PIK3C2G: variants seen among roughly 807,000 people sequenced by gnomAD.
PIK3C2G encodes phosphatidylinositol 3-kinase C2 domain-containing subunit gamma.
PIK3C2G carries 168 observed loss-of-function variants against 181.1 expected under a neutral mutation model. That is an observed-to-expected ratio of 0.93 (90% CI 0.82 to 1.05). PIK3C2G has a LOEUF of 1.05. Among genes scored for constraint, PIK3C2G ranks in the 50% least tolerant of loss-of-function variants. The pLI is 0.00. For missense variants in PIK3C2G, 1,869 were observed against 1,732.8 expected (o/e 1.08, Z -1.40); for synonymous variants, 573 against 592.2 (o/e 0.97, Z 0.47).
intron 14 of PIK3C2G, among the ~76,000 whole-genome samples, chr12:18,389,942 AT>A (rs764214253): frequency 6.6e-6 from 1 of 152,202 alleles, no homozygotes; most frequent in Non-Finnish European, 1.5e-5. Context: ...CTATTTAAAA[AT>A]ATTTGTCCAT....
At chr12:18,549,054 A>G (rs189811396) in intron 26 of PIK3C2G, among the ~76,000 whole-genome samples, 25 of 152,110 alleles carry the variant, frequency 1.6e-4, no homozygotes, top group Admixed American at 8.5e-4. Context: ...GAAGATTCTG[A>G]TCTAACTTTT....
chr12:18,268,307 A>C (rs1948594257), intron 1 of PIK3C2G, among the ~76,000 whole-genome samples: 1 of 152,098 alleles, frequency 6.6e-6, no homozygotes, highest in Non-Finnish European at 1.5e-5. Context: ...ATATTTGCTT[A>C]ATTTTTTGAG....
At chr12:18,601,424 C>T (rs1947706874) in intron 30 of PIK3C2G, among the ~76,000 whole-genome samples, 2 of 151,814 alleles carry the variant, frequency 1.3e-5, no homozygotes, top group African/African-American at 4.8e-5. Context: ...ACGCTGATCT[C>T]AAATAAGTAA....
the PIK3C2G span, among the ~76,000 whole-genome samples, chr12:18,669,871 A>C: frequency 1.3e-5 from 2 of 152,108 alleles, no homozygotes; most frequent in African/African-American, 4.8e-5. Flanking sequence ...GGGTTTCACC[A>C]CGTTGCTCAG....
the PIK3C2G span, chr12:18,688,237 A>G: frequency 6.3e-7 from 1 of 1,588,688 alleles, no homozygotes; most frequent in South Asian, 1.1e-5. Flanking sequence ...ATATATATGA[A>G]TATAAGAATT....
At chr12:18,519,477 T>C (rs1942772149) in intron 24 of PIK3C2G, among the ~76,000 whole-genome samples, 1 of 152,188 alleles carries the variant, frequency 6.6e-6, no homozygotes, top group Admixed American at 6.5e-5. Flanking sequence ...GTAATGCCCT[T>C]CTTTGTCTTT....
downstream of PIK3C2G, among the ~76,000 whole-genome samples, chr12:18,649,676 T>A (rs925732909): frequency 2.6e-5 from 4 of 152,160 alleles, no homozygotes; most frequent in Admixed American, 2.6e-4. Flanking sequence ...TCAATGAAAC[T>A]ACTTTAGTCA....
intron 24 of PIK3C2G, among the ~76,000 whole-genome samples, chr12:18,532,401 C>T (rs1424992179): frequency 6.6e-6 from 1 of 152,020 alleles, no homozygotes. Context: ...TTGCATAGCC[C>T]TAAATGTAAA....
intron 6 of PIK3C2G, among the ~76,000 whole-genome samples, chr12:18,319,213 T>C (rs1228766808): frequency 1.3e-5 from 2 of 152,214 alleles, no homozygotes; most frequent in Admixed American, 6.5e-5. Flanking sequence ...GTTTCCCTTT[T>C]TGTCTATCTC....
intron 30 of PIK3C2G, among the ~76,000 whole-genome samples, chr12:18,607,373 C>T (rs1460907099): frequency 6.6e-5 from 10 of 152,156 alleles, no homozygotes; most frequent in South Asian, 4.1e-4. Context: ...TGGAACAGAA[C>T]AGAGCCCTCA....
At chr12:18,501,171 C>T (rs1941449679) in intron 22 of PIK3C2G, among the ~76,000 whole-genome samples, 1 of 152,194 alleles carries the variant, frequency 6.6e-6, no homozygotes, top group African/African-American at 2.4e-5. Context: ...CCAGCAATTC[C>T]GGACGCACCT....
At chr12:18,617,549 A>T (rs1473819438) in intron 31 of PIK3C2G, among the ~76,000 whole-genome samples, 1 of 152,190 alleles carries the variant, frequency 6.6e-6, no homozygotes, top group Non-Finnish European at 1.5e-5. Context: ...TAAGGGCTGA[A>T]ATCTAAAGCC....
intron 1 of PIK3C2G, among the ~76,000 whole-genome samples, chr12:18,270,293 GAT>G (rs1948694067): frequency 6.6e-6 from 1 of 151,992 alleles, no homozygotes; most frequent in Non-Finnish European, 1.5e-5. Flanking sequence ...ACAAATTTGA[GAT>G]GTTAGAAATG....
intron 31 of PIK3C2G, among the ~76,000 whole-genome samples, chr12:18,638,826 C>A (rs779497877): frequency 6.6e-6 from 1 of 151,806 alleles, no homozygotes; most frequent in Non-Finnish European, 1.5e-5. Context: ...ATGTTTTACC[C>A]ACTAAGTTTT....
At chr12:18,346,336 T>G (rs1218110049) in intron 10 of PIK3C2G, among the ~76,000 whole-genome samples, 1 of 152,170 alleles carries the variant, frequency 6.6e-6, no homozygotes, top group Non-Finnish European at 1.5e-5. Context: ...GAACAAAAAT[T>G]ATTGCAAATT....
intron 11 of PIK3C2G, among the ~76,000 whole-genome samples, chr12:18,348,281 G>A (rs1939870498): frequency 6.6e-6 from 1 of 151,744 alleles, no homozygotes; most frequent in African/African-American, 2.4e-5. Context: ...ATATACATAT[G>A]CGTGCAAATG....
the PIK3C2G span, chr12:18,713,608 G>A: frequency 6.6e-6 from 1 of 152,386 alleles, no homozygotes; most frequent in Non-Finnish European, 1.5e-5. Flanking sequence ...TTAACATAAG[G>A]CCATCTCTAA....
chr12:18,595,870 T>C (rs1017412974), intron 30 of PIK3C2G, among the ~76,000 whole-genome samples: 3 of 152,130 alleles, frequency 2.0e-5, no homozygotes, highest in Admixed American at 1.3e-4. Flanking sequence ...ACATCAAAAC[T>C]CTCATCATGG....
chr12:18,318,813 G>C (rs1950981304), intron 6 of PIK3C2G, among the ~76,000 whole-genome samples: 1 of 150,544 alleles, frequency 6.6e-6, no homozygotes, highest in South Asian at 2.1e-4. Flanking sequence ...AAAAAAAGCA[G>C]GCCAGGAGCA....
Sources: allele counts gnomAD v4.1 joint callset (sites outside exome capture counted in the v4.1 genomes callset), GRCh38; gene constraint gnomAD v4.1.1; transcripts MANE v1.5; gene names NCBI Gene and HGNC (gene_info 2026-07-23, HGNC 2026-07-21).